The following DMD variants were observed in gnomAD, a reference collection of about 807,000 sequenced individuals.
The protein encoded by DMD is dystrophin.
DMD carries 63 observed loss-of-function variants against 330.1 expected under a neutral mutation model. The ratio of observed to expected loss-of-function variants is 0.19; its 90% CI spans 0.16 to 0.24. The LOEUF (loss-of-function observed/expected upper bound fraction) is 0.24. DMD is among the 10% of genes least tolerant of loss of function. The pLI is 1.00. For synonymous variants in DMD, 1,223 were observed against 959.8 expected (o/e 1.27, Z -5.07); for missense variants, 3,344 against 2,684.1 (o/e 1.25, Z -5.43).
At chrX:31,136,481 G>A (rs141618048) in intron 76 of DMD, among the ~76,000 whole-genome samples, 111 of 112,146 alleles carry the variant, frequency 9.9e-4, no homozygotes, top group African/African-American at 3.5e-3. Flanking sequence ...CATTACTGAT[G>A]CAAATTTTTG....
chrX:32,075,738 T>A (rs996270821), intron 44 of DMD, among the ~76,000 whole-genome samples: 2 of 109,143 alleles, frequency 1.8e-5, no homozygotes, highest in East Asian at 5.8e-4. Flanking sequence ...GTTACAGATT[T>A]CATGCCAAAA....
intron 2 of DMD, among the ~76,000 whole-genome samples, chrX:33,003,039 T>C (rs2093322435): frequency 9.1e-6 from 1 of 110,090 alleles, no homozygotes; most frequent in Non-Finnish European, 1.9e-5. Context: ...GGTTTTTGGT[T>C]ACCTGGGTAA....
At chrX:32,527,818 CCT>C in intron 17 of DMD, among the ~76,000 whole-genome samples, 1 of 110,465 alleles carries the variant, frequency 9.1e-6, no homozygotes, top group East Asian at 2.9e-4. Context: ...TAAATAGTTC[CCT>C]CTCCAAATCA....
intron 7 of DMD, among the ~76,000 whole-genome samples, chrX:32,730,901 G>A (rs1001063325): frequency 1.8e-5 from 2 of 111,773 alleles, no homozygotes; most frequent in East Asian, 2.8e-4. Flanking sequence ...TGATTTGAGA[G>A]GAGGAGCCAA....
chrX:32,546,530 A>C (rs939364634), intron 16 of DMD, among the ~76,000 whole-genome samples: 27 of 111,537 alleles, frequency 2.4e-4, no homozygotes, highest in African/African-American at 8.1e-4. Context: ...CAGCTTCCAA[A>C]TTGGCAATGA....
At chrX:33,144,154 T>C (rs1292899650) in intron 1 of DMD, among the ~76,000 whole-genome samples, 1 of 111,449 alleles carries the variant, frequency 9.0e-6, no homozygotes, top group Non-Finnish European at 1.9e-5. Context: ...AAATAAGAGG[T>C]TGTCTAATCA....
intron 55 of DMD, among the ~76,000 whole-genome samples, chrX:31,619,508 C>T (rs1173855429): frequency 9.0e-6 from 1 of 111,615 alleles, no homozygotes; most frequent in Non-Finnish European, 1.9e-5. Flanking sequence ...TTAATAAGGA[C>T]CTTTCACTTG....
chrX:32,607,767 T>C (rs2056852179), intron 12 of DMD, among the ~76,000 whole-genome samples: 1 of 110,671 alleles, frequency 9.0e-6, no homozygotes, highest in African/African-American at 3.3e-5. Flanking sequence ...TTCCCTAAAA[T>C]GCATTTTAAA....
chrX:31,787,819 C>T (rs750216260), intron 50 of DMD, among the ~76,000 whole-genome samples: 5 of 111,926 alleles, frequency 4.5e-5, no homozygotes, highest in African/African-American at 1.6e-4. Flanking sequence ...TTTTATTTAA[C>T]TTGTAGAAAA....
At chrX:32,989,220 A>G (rs2092919266) in intron 2 of DMD, among the ~76,000 whole-genome samples, 1 of 111,548 alleles carries the variant, frequency 9.0e-6, no homozygotes, top group Non-Finnish European at 1.9e-5. Flanking sequence ...TCTAGTTCAG[A>G]ACATATGTCA....
At chrX:31,341,299 C>G in intron 61 of DMD, among the ~76,000 whole-genome samples, 1 of 111,766 alleles carries the variant, frequency 8.9e-6, no homozygotes. Flanking sequence ...TCCCATTGGT[C>G]GTATGGTGCA....
chrX:31,256,646 A>G (rs1025380965), intron 63 of DMD, among the ~76,000 whole-genome samples: 7 of 111,825 alleles, frequency 6.3e-5, no homozygotes, highest in African/African-American at 2.3e-4. Context: ...TACAGACTAA[A>G]AATACATGAG....
At chrX:32,974,359 C>T (rs5927116) in intron 2 of DMD, among the ~76,000 whole-genome samples, 56,756 of 109,571 alleles carry the variant, frequency 0.52, 11,185 homozygotes, top group African/African-American at 0.73. Flanking sequence ...TATTCTGCAA[C>T]TAGATAGTGA....
At chrX:32,518,293 C>T (rs952166891) in intron 17 of DMD, among the ~76,000 whole-genome samples, 162 bp from the exon 18 acceptor site, 7 of 110,970 alleles carry the variant, frequency 6.3e-5, no homozygotes, top group African/African-American at 2.3e-4. Flanking sequence ...GTTAGGTAGA[C>T]TCAAATTTGG....
intron 19 of DMD, among the ~76,000 whole-genome samples, chrX:32,496,114 C>T (rs1318478825): frequency 8.9e-6 from 1 of 111,884 alleles, no homozygotes; most frequent in Non-Finnish European, 1.9e-5. Context: ...GTTAAATGTG[C>T]ACCACCTTCC....
chrX:32,371,319 A>G (rs1267843869), intron 34 of DMD, among the ~76,000 whole-genome samples: 1 of 111,176 alleles, frequency 9.0e-6, no homozygotes, highest in Non-Finnish European at 1.9e-5. Flanking sequence ...AAATTTATTA[A>G]TACCATTTGT....
chrX:33,243,309 T>A (rs1189732227), intron 1 of DMD, among the ~76,000 whole-genome samples: 1 of 112,186 alleles, frequency 8.9e-6, no homozygotes, highest in East Asian at 2.8e-4. Context: ...GCAATTTTAC[T>A]GAATTTGTTT....
intron 53 of DMD, among the ~76,000 whole-genome samples, chrX:31,661,007 T>C (rs908419025): frequency 8.9e-6 from 1 of 111,985 alleles, no homozygotes; most frequent in Non-Finnish European, 1.9e-5. Flanking sequence ...TTATAACATA[T>C]CCTAGAATTT....
At chrX:31,173,940 A>G (rs2040258741) in intron 71 of DMD, among the ~76,000 whole-genome samples, 1 of 111,052 alleles carries the variant, frequency 9.0e-6, no homozygotes, top group South Asian at 3.8e-4. Flanking sequence ...ATAATTCCGA[A>G]ATTGTGTTAG....
Sources: gnomAD v4.1 joint callset for allele counts (sites outside exome capture counted in the v4.1 genomes callset) on GRCh38, gnomAD v4.1.1 for gene constraint, MANE v1.5 for transcripts, NCBI Gene and HGNC (gene_info 2026-07-23, HGNC 2026-07-21) for gene names.